The following RAD52 variants were observed in gnomAD, a reference collection of about 807,000 sequenced individuals.
RAD52 encodes the protein RAD52 DNA repair protein, also known as DNA repair protein RAD52 homolog.
In RAD52, 47 loss-of-function variants were observed where a neutral mutation model predicts 55.5. The observed-to-expected ratio is 0.85, with a 90% confidence interval of 0.67 to 1.08. The LOEUF (loss-of-function observed/expected upper bound fraction) is 1.08. Among genes scored for constraint, RAD52 ranks in the 50% least tolerant of loss-of-function variants. RAD52 has a pLI of 0.00. For missense variants in RAD52, 468 were observed against 522.8 expected (o/e 0.90, Z 1.02); for synonymous variants, 184 against 198.9 (o/e 0.92, Z 0.63).
chr12:947,477 G>A (rs1958300326), intron 1 of RAD52, among the ~76,000 whole-genome samples: 1 of 150,428 alleles, frequency 6.6e-6, no homozygotes, highest in Admixed American at 6.7e-5. Flanking sequence ...GTGAAACCCT[G>A]TCTCTACTAA....
At chr12:925,342 A>G (rs1002210186) in intron 7 of RAD52, 108 bp downstream of exon 7, 2 of 902,336 alleles carry the variant, frequency 2.2e-6, no homozygotes, top group Middle Eastern at 4.4e-4. Context: ...CCGACCCTCT[A>G]AAGAGCTGAG....
At chr12:982,038 C>G (rs1202640237) in intron 1 of RAD52, among the ~76,000 whole-genome samples, 3 of 152,180 alleles carry the variant, frequency 2.0e-5, no homozygotes, top group African/African-American at 7.2e-5. Context: ...CTCCCCAGAC[C>G]TGTATCTTCT....
upstream of RAD52, chr12:990,149 G>A (rs1046876823): frequency 6.6e-6 from 1 of 152,168 alleles, no homozygotes; most frequent in South Asian, 2.1e-4. Context: ...GGATTATGAG[G>A]CAGTATAAAG....
At chr12:924,776 C>T (rs1216331814) in intron 7 of RAD52, among the ~76,000 whole-genome samples, 1 of 152,030 alleles carries the variant, frequency 6.6e-6, no homozygotes, top group African/African-American at 2.4e-5. Flanking sequence ...GACACCAGAA[C>T]TAAGGAAAAG....
At chr12:928,283 G>A (rs1592365587) in intron 5 of RAD52, among the ~76,000 whole-genome samples, 1 of 152,100 alleles carries the variant, frequency 6.6e-6, no homozygotes, top group South Asian at 2.1e-4. Flanking sequence ...AGGCCAAGGC[G>A]GGTGGATCAC....
chr12:984,087 C>A (rs1959055134), intron 1 of RAD52, among the ~76,000 whole-genome samples: 1 of 152,200 alleles, frequency 6.6e-6, no homozygotes, highest in Non-Finnish European at 1.5e-5. Flanking sequence ...TCACCCTTAT[C>A]TTCTCCAGAA....
chr12:964,046 G>A lies in RAD52; in HGVS notation c.-19+25763C>T, dbSNP rs964082833. Among the ~76,000 whole-genome samples, 3 of 152,266 alleles carry A rather than the reference G, an allele frequency of 2.0e-5. No homozygotes were observed. In the Middle Eastern group the frequency reaches 0.01, roughly 518 times the overall value. On this transcript the variant is annotated intron_variant, in intron 1 of 11. Transcript: ENST00000430095. Reference sequence around the variant, plus strand: ...GTCTGGAGTGTCGGAGGTACAACATGAGTAGGAAATGGCTTGAGTCAAAGG... The same window carrying A: ...GTCTGGAGTGTCGGAGGTACAACATAAGTAGGAAATGGCTTGAGTCAAAGG...
intron 9 of RAD52, among the ~76,000 whole-genome samples, chr12:915,997 AT>A (rs1956350321): frequency 2.6e-5 from 4 of 152,186 alleles, no homozygotes; most frequent in Non-Finnish European, 5.9e-5. Flanking sequence ...GATTACGGAC[AT>A]GAGCCACCGT....
upstream of RAD52, chr12:990,465 G>A (rs1959170581): frequency 6.6e-6 from 1 of 152,178 alleles, no homozygotes; most frequent in African/African-American, 2.4e-5. Context: ...AGCTGTCGGA[G>A]GCTAAATAAA....
intron 9 of RAD52, 126 bp downstream of exon 9, chr12:916,218 T>G: frequency 6.7e-7 from 1 of 1,485,820 alleles, no homozygotes; most frequent in Non-Finnish European, 8.9e-7. Flanking sequence ...GCGTGTAGCT[T>G]GAGAGAAGTC....
chr12:930,194 A>AG, intron 3 of RAD52, 50 bp from the exon 4 acceptor site: 1 of 1,354,378 alleles, frequency 7.4e-7, no homozygotes, highest in Non-Finnish European at 1.0e-6. Flanking sequence ...TCCTTACCAC[A>AG]CTTAAATGTG....
At chr12:935,008 G>A (rs1419348898) in intron 1 of RAD52, among the ~76,000 whole-genome samples, 4 of 152,026 alleles carry the variant, frequency 2.6e-5, no homozygotes, top group African/African-American at 9.7e-5. Flanking sequence ...CCAGCTACTC[G>A]GGAGGCTGAG....
rs11381919 is a variant in RAD52 at position 912,308 on chromosome 12, G to GA, written c.*1082dup. ...AACAGTTTATGCAGCGACCCTAAGA[G>GA]AAAAAAAAACCCAGCCCTCTTCAGC... On this transcript the variant is annotated 3_prime_UTR_variant, in exon 12 of 12. Coordinates refer to ENST00000358495, the MANE Select transcript of RAD52 (RefSeq NM_134424.4). 5.9e-3 allele frequency: 1,148 copies of GA among 196,044 alleles called. 12 individuals carry two copies. The highest frequency in any genetic ancestry group is 0.022 in the African/African-American group (948 of 42,884). 12.1% of individuals were successfully genotyped at this position (196,044 alleles called of 1,614,324 possible). A position where few individuals can be genotyped will look rare whatever the true frequency, so the allele number is the denominator to read the frequency against.
chr12:925,382 A>G, intron 7 of RAD52, 68 bp downstream of exon 7: 1 of 1,344,820 alleles, frequency 7.4e-7, no homozygotes, highest in Non-Finnish European at 1.1e-6. Flanking sequence ...CATCCTCCAA[A>G]TACTCAACCC....
At chr12:923,516 C>T (rs1359781132) in intron 7 of RAD52, among the ~76,000 whole-genome samples, 1 of 151,080 alleles carries the variant, frequency 6.6e-6, no homozygotes, top group Non-Finnish European at 1.5e-5. Context: ...ATTATGATGG[C>T]ACTCCTGCAT....
At chr12:950,924 GA>G (rs1200688218), upstream of RAD52, among the ~76,000 whole-genome samples, 1 of 151,568 alleles carries the variant, frequency 6.6e-6, no homozygotes, top group Non-Finnish European at 1.5e-5. Context: ...AGCCTCTGGG[GA>G]ATTTTTAGTA....
intron 1 of RAD52, among the ~76,000 whole-genome samples, chr12:944,770 C>CT (rs146021033): frequency 2.1e-5 from 3 of 140,212 alleles, no homozygotes; most frequent in African/African-American, 7.8e-5. Context: ...ATTTTTCTTT[C>CT]TTTTTTTTTT....
chr12:926,827 G>A (rs376283743), intron 6 of RAD52: 17 of 1,536,732 alleles, frequency 1.1e-5, no homozygotes, highest in South Asian at 9.5e-5. Context: ...TGAGGAGCAC[G>A]GAGAGGAGGG....
At chr12:928,361 C>A (rs1957152316) in intron 5 of RAD52, among the ~76,000 whole-genome samples, 1 of 151,944 alleles carries the variant, frequency 6.6e-6, no homozygotes, top group African/African-American at 2.4e-5. Flanking sequence ...AAAACACACA[C>A]AAAAAATTAG....
Sources: gnomAD v4.1 joint callset for allele counts (sites outside exome capture counted in the v4.1 genomes callset) on GRCh38, gnomAD v4.1.1 for gene constraint, MANE v1.5 for transcripts, NCBI Gene and HGNC (gene_info 2026-07-23, HGNC 2026-07-21) for gene names.